B3GNT3: variants seen among roughly 807,000 people sequenced by gnomAD.
B3GNT3 encodes the protein N-acetyllactosaminide beta-1,3-N-acetylglucosaminyltransferase 3.
In B3GNT3, 7 loss-of-function variants were observed where a neutral mutation model predicts 11.6. That is an observed-to-expected ratio of 0.60 (90% confidence interval 0.34 to 1.13). The LOEUF (loss-of-function observed/expected upper bound fraction) is 1.13. Among genes scored for constraint, B3GNT3 ranks in the 50% most tolerant of loss-of-function variants. The pLI, the probability that B3GNT3 is intolerant of heterozygous loss-of-function variation, is 0.03. For synonymous variants in B3GNT3, 201 were observed against 222.1 expected (o/e 0.90, Z 0.85); for missense variants, 400 against 507.4 (o/e 0.79, Z 2.03).
At chr19:17,806,889 T>C (rs111431461) in intron 1 of B3GNT3, among the ~76,000 whole-genome samples, 1 of 144,036 alleles carries the variant, frequency 6.9e-6, no homozygotes, top group Non-Finnish European at 1.5e-5. Context: ...GAGGCGGAGG[T>C]TGAAGTGAGC....
chr19:17,809,767 A>G (rs963894548), intron 2 of B3GNT3, among the ~76,000 whole-genome samples: 2 of 152,020 alleles, frequency 1.3e-5, no homozygotes, highest in African/African-American at 4.8e-5. Flanking sequence ...ATTTTTTTAA[A>G]AAAAGAAGCC....
intron 1 of B3GNT3, among the ~76,000 whole-genome samples, chr19:17,804,559 A>T (rs1599846264): frequency 1.5e-4 from 3 of 19,408 alleles, no homozygotes; most frequent in African/African-American, 2.4e-4. Flanking sequence ...TTTTTTTGAG[A>T]CATAGTCTTG....
chr19:17,809,559 G>A (rs1013607510), intron 2 of B3GNT3, among the ~76,000 whole-genome samples: 3 of 151,332 alleles, frequency 2.0e-5, no homozygotes, highest in African/African-American at 4.9e-5. Context: ...TGATTCTCCT[G>A]CCTCAGCCTC....
intron 1 of B3GNT3, among the ~76,000 whole-genome samples, chr19:17,803,664 C>T (rs763965036): frequency 5.3e-5 from 8 of 151,868 alleles, no homozygotes; most frequent in South Asian, 2.1e-4. Flanking sequence ...GCAGGGTAGG[C>T]GCTGTAACAT....
At chr19:17,797,018 G>A (rs1047883639) in intron 1 of B3GNT3, among the ~76,000 whole-genome samples, 4 of 152,088 alleles carry the variant, frequency 2.6e-5, no homozygotes, top group Admixed American at 2.6e-4. Flanking sequence ...CAAACTAAAG[G>A]AAATCTCATC....
chr19:17,807,004 T>C (rs1427738546), intron 1 of B3GNT3, among the ~76,000 whole-genome samples: 2 of 144,904 alleles, frequency 1.4e-5, no homozygotes, highest in African/African-American at 5.2e-5. Context: ...TAAGTGGGAA[T>C]AGCTGGGGAA....
At chr19:17,802,088 C>CAA (rs75792216) in intron 1 of B3GNT3, among the ~76,000 whole-genome samples, 8 of 124,370 alleles carry the variant, frequency 6.4e-5, no homozygotes, top group South Asian at 2.6e-4. Context: ...ATTCTGTCTC[C>CAA]AAAAAAAAAA....
Position 17,812,186 on chromosome 19 carries a change from C to A in B3GNT3, c.*64C>A. On this transcript the variant is annotated 3_prime_UTR_variant, in exon 3 of 3. Coordinates refer to ENST00000318683, the MANE Select transcript of B3GNT3 (RefSeq NM_014256.4). ...CATAGGAAGGGGCGACACCTTCCTC[C>A]CAGGAAGCTGAGACCTTTGTGGTCT... The A allele has an allele frequency of 6.8e-7, 1 of 1,472,844 alleles. No individual in the cohort carries two copies. The highest frequency in any genetic ancestry group is 2.3e-5 in the East Asian group (1 of 43,360). 91.2% of individuals were successfully genotyped at this position (1,472,844 alleles called of 1,614,324 possible).
chr19:17,799,463 T>A (rs963788481), intron 1 of B3GNT3, among the ~76,000 whole-genome samples: 3 of 151,804 alleles, frequency 2.0e-5, no homozygotes, highest in African/African-American at 7.3e-5. Context: ...AGAAATGGGG[T>A]TTCACCATGT....
intron 1 of B3GNT3, among the ~76,000 whole-genome samples, chr19:17,804,297 T>C (rs893214546): frequency 7.1e-6 from 1 of 141,816 alleles, no homozygotes; most frequent in Non-Finnish European, 1.5e-5. Context: ...TGGAGTACAA[T>C]GGCTTGATCT....
intron 1 of B3GNT3, among the ~76,000 whole-genome samples, chr19:17,800,883 C>T (rs926992241): frequency 7.9e-5 from 12 of 152,020 alleles, no homozygotes; most frequent in African/African-American, 2.9e-4. Flanking sequence ...AGGAGAATCA[C>T]TTGAACCCAG....
Position 17,812,218 on chromosome 19 carries a change from A to G in B3GNT3, c.*96A>G. 7.4e-7 allele frequency: 1 copy of G among 1,345,334 alleles called. No homozygotes were observed. The highest frequency in any genetic ancestry group is 9.9e-7 in the Non-Finnish European group (1 of 1,011,372). 83.3% of individuals were successfully genotyped at this position (1,345,334 alleles called of 1,614,324 possible). On this transcript the variant is annotated 3_prime_UTR_variant, in exon 3 of 3. Coordinates refer to ENST00000318683, the MANE Select transcript of B3GNT3 (RefSeq NM_014256.4). ...GCTGAGACCTTTGTGGTCTGAGCAT[A>G]AGGGAGTGCCAGGGAAGGTTTGAGG...
rs769887503 is a variant in B3GNT3 at position 17,811,787 on chromosome 19, G to C, written c.784G>C (p.Glu262Gln). 2.4e-5 allele frequency: 38 copies of C among 1,614,112 alleles called. No homozygotes were observed. The highest frequency in any genetic ancestry group is 3.1e-5 in the Non-Finnish European group (36 of 1,180,058). Residue 262 changes from glutamate to glutamine, a missense_variant, in exon 3 of 3, where the codon GAG becomes CAG. Glu to Gln is a conservative substitution (Grantham distance 29, BLOSUM62 2). Coordinates refer to ENST00000318683, the MANE Select transcript of B3GNT3 (RefSeq NM_014256.4). The surrounding 1 kb of genome is among the most constrained non-coding windows in gnomAD (Gnocchi z 4.1). ...YYVPEVVTQN[E>Q]RYPPYCGGGG... is the part of the protein sequence containing the mutation. ...TGTGCCAGAGGTGGTGACTCAGAAT[G>C]AGCGGTACCCACCCTATTGTGGGGG...
chr19:17,808,461 AAGTCCTCGTC>A (rs2094176646), intron 2 of B3GNT3, 87 bp downstream of exon 2: 2 of 1,372,852 alleles, frequency 1.5e-6, no homozygotes, highest in Admixed American at 4.9e-5. Context: ...AGGGGACCAG[AAGTCCTCGTC>A]AGTCCATCAC....
In B3GNT3 at chr19:17,811,824, T is replaced by C; in HGVS notation, c.821T>C (p.Leu274Ser). 6.2e-7 allele frequency: 1 copy of C among 1,614,244 alleles called. No homozygotes were observed. Residue 274 changes from leucine to serine, a missense_variant, in exon 3 of 3, where the codon TTG becomes TCG. Physicochemically the swap from Leu to Ser is moderately radical, Grantham distance 145. Transcript: ENST00000318683. This position sits in a 1 kb window ranked among gnomAD's most constrained non-coding sequence, Gnocchi z 4.1. ...YPPYCGGGGF[L>S]LSRFTAAALR... ...CCCTATTGTGGGGGTGGTGGCTTCTTGCTGTCCCGCTTCACGGCCGCTGCC... is the reference window on the plus strand; with the variant it reads ...CCCTATTGTGGGGGTGGTGGCTTCTCGCTGTCCCGCTTCACGGCCGCTGCC...
At chr19:17,806,748 T>TC (rs1238407979) in intron 1 of B3GNT3, among the ~76,000 whole-genome samples, 1 of 151,812 alleles carries the variant, frequency 6.6e-6, no homozygotes, top group Non-Finnish European at 1.5e-5. Context: ...GGTCAGGAGA[T>TC]CGAGACCATC....
At position 17,811,435 on chromosome 19, in the gene B3GNT3, A is replaced by G; in HGVS notation, c.568-136A>G. ...CAGAGAGGGTTTCCCAAGTAACCCC[A>G]CAGGGCAGGGCCTTAACCCAGGCTG... On this transcript the variant is annotated intron_variant, in intron 2 of 2. Transcript: ENST00000318683. The surrounding 1 kb of genome is among the most constrained non-coding windows in gnomAD (Gnocchi z 4.1). 2.3e-6 allele frequency: 2 copies of G among 881,168 alleles called. No individual in the cohort carries two copies. The highest frequency in any genetic ancestry group is 3.4e-6 in the Non-Finnish European group (2 of 593,454). The allele number at this position is 881,168 out of a possible 1,614,324, so 54.6% of individuals were successfully genotyped here.
intron 2 of B3GNT3, among the ~76,000 whole-genome samples, chr19:17,810,437 A>G (rs2094179165): frequency 1.3e-5 from 2 of 152,044 alleles, no homozygotes; most frequent in African/African-American, 4.8e-5. Flanking sequence ...ACCCTTTAAA[A>G]GTGTGTGATA....
At chr19:17,800,511 G>A (rs1458208346) in intron 1 of B3GNT3, among the ~76,000 whole-genome samples, 1 of 152,196 alleles carries the variant, frequency 6.6e-6, no homozygotes, top group Non-Finnish European at 1.5e-5. Context: ...AGCTGCCAAT[G>A]CCTACGATTC....
Sources: allele counts gnomAD v4.1 joint callset (sites outside exome capture counted in the v4.1 genomes callset), GRCh38; gene constraint gnomAD v4.1.1; non-coding constraint Gnocchi (gnomAD v3.1); transcripts MANE v1.5; gene names NCBI Gene and HGNC (gene_info 2026-07-23, HGNC 2026-07-21).